HPSE2: variants seen among roughly 807,000 people sequenced by gnomAD.
HPSE2 encodes inactive heparanase-2.
In HPSE2, 38 loss-of-function variants were observed where a neutral mutation model predicts 60.5. That is an observed-to-expected ratio of 0.63 (90% CI 0.48 to 0.82). The LOEUF (loss-of-function observed/expected upper bound fraction) is 0.82, where lower values mean the gene tolerates loss of function less well. Ranked by LOEUF, HPSE2 falls within the 40% of genes least tolerant of loss-of-function variation. The pLI is 0.00. For synonymous variants in HPSE2, 295 were observed against 293.2 expected (o/e 1.01, Z -0.06); for missense variants, 713 against 740.4 (o/e 0.96, Z 0.43).
intron 3 of HPSE2, among the ~76,000 whole-genome samples, chr10:98,781,327 A>T (rs1179136817): frequency 8.4e-6 from 1 of 119,040 alleles, no homozygotes; most frequent in Non-Finnish European, 1.7e-5. Context: ...TTGGTATTGG[A>T]GTAAGATAGG....
At chr10:98,635,424 C>T (rs761678889) in intron 7 of HPSE2, among the ~76,000 whole-genome samples, 1 of 152,158 alleles carries the variant, frequency 6.6e-6, no homozygotes, top group Non-Finnish European at 1.5e-5. Flanking sequence ...GATACCTGCA[C>T]TCTCATGCTC....
At chr10:98,542,526 C>T (rs930946898) in intron 9 of HPSE2, among the ~76,000 whole-genome samples, 5 of 151,972 alleles carry the variant, frequency 3.3e-5, no homozygotes, top group African/African-American at 1.2e-4. Context: ...AATCAAATTA[C>T]TCCGAGCTAT....
intron 3 of HPSE2, among the ~76,000 whole-genome samples, chr10:98,754,368 A>G (rs1949829455): frequency 6.6e-6 from 1 of 152,112 alleles, no homozygotes; most frequent in Non-Finnish European, 1.5e-5. Context: ...ACGTAAAAAG[A>G]CCAAATCTAT....
chr10:98,800,278 AGGCTCTCTTGATCCCAGAAGGTCAAG>A, intron 3 of HPSE2, among the ~76,000 whole-genome samples: 1 of 151,866 alleles, frequency 6.6e-6, no homozygotes, highest in East Asian at 1.9e-4. Flanking sequence ...CTGAGTTGGG[AGGCTCTCTTGATCCCAGAAGGTCAAG>A]GCTGCAGTGA....
chr10:98,629,822 A>C (rs374684999), intron 7 of HPSE2, among the ~76,000 whole-genome samples: 29 of 152,362 alleles, frequency 1.9e-4, no homozygotes, highest in African/African-American at 7.0e-4. Context: ...TATTGAAAAC[A>C]GTGATTTGGG....
intron 3 of HPSE2, among the ~76,000 whole-genome samples, chr10:98,961,526 T>C: frequency 3.7e-5 from 2 of 54,718 alleles, no homozygotes; most frequent in African/African-American, 9.2e-5. Flanking sequence ...GTTTTTTGGC[T>C]GCATAAATGT....
At chr10:99,285,461 GGGAA>G in the HPSE2 span, among the ~76,000 whole-genome samples, 2,281 of 119,538 alleles carry the variant, frequency 0.019, 106 homozygotes, top group African/African-American at 0.077. Flanking sequence ...ATGAAAGAAA[GGGAA>G]GGAAGGAAGG....
chr10:99,276,931 C>A, the HPSE2 span, among the ~76,000 whole-genome samples: 397 of 152,198 alleles, frequency 2.6e-3, no homozygotes, highest in Non-Finnish European at 4.8e-3. Context: ...TGATTGAAAC[C>A]ATTTATACTT....
intron 3 of HPSE2, among the ~76,000 whole-genome samples, chr10:98,824,781 TCAAGTCACAGG>T: frequency 6.6e-6 from 1 of 152,328 alleles, no homozygotes; most frequent in South Asian, 2.1e-4. Flanking sequence ...AGAAAACCCC[TCAAGTCACAGG>T]TAGCTGCTGT....
At chr10:98,565,501 T>A (rs1234579927) in intron 9 of HPSE2, among the ~76,000 whole-genome samples, 2 of 152,198 alleles carry the variant, frequency 1.3e-5, no homozygotes, top group African/African-American at 4.8e-5. Flanking sequence ...GCAAAGGACA[T>A]GATCTCATTC....
intron 3 of HPSE2, among the ~76,000 whole-genome samples, chr10:98,969,704 T>TA (rs1268648938): frequency 1.3e-5 from 2 of 152,190 alleles, no homozygotes; most frequent in African/African-American, 2.4e-5. Flanking sequence ...TCCTGAGGGT[T>TA]TGTACTATAG....
intron 3 of HPSE2, among the ~76,000 whole-genome samples, chr10:99,043,082 A>G (rs957265065): frequency 1.3e-5 from 2 of 152,194 alleles, no homozygotes; most frequent in Non-Finnish European, 2.9e-5. Context: ...AGTTAAAGGG[A>G]CACCGACCCT....
At chr10:99,093,457 TCC>T (rs2135603918) in intron 3 of HPSE2, among the ~76,000 whole-genome samples, 1 of 152,262 alleles carries the variant, frequency 6.6e-6, no homozygotes, top group East Asian at 1.9e-4. Flanking sequence ...TGTTTTGCAC[TCC>T]CATGACAGAA....
At chr10:98,914,908 A>G (rs926045062) in intron 3 of HPSE2, among the ~76,000 whole-genome samples, 1 of 151,812 alleles carries the variant, frequency 6.6e-6, no homozygotes, top group East Asian at 1.9e-4. Context: ...ACAAAGATCA[A>G]TTTAAGAAAA....
chr10:98,827,160 AT>A (rs11308403), intron 3 of HPSE2, among the ~76,000 whole-genome samples: 113,997 of 150,074 alleles, frequency 0.76, 43,638 homozygotes, highest in Non-Finnish European at 0.83. Flanking sequence ...CTAAAAAAAA[AT>A]TTTTTTTTAA....
At chr10:98,757,737 A>T (rs1949910439) in intron 3 of HPSE2, among the ~76,000 whole-genome samples, 1 of 152,208 alleles carries the variant, frequency 6.6e-6, no homozygotes, top group Non-Finnish European at 1.5e-5. Flanking sequence ...GATAGTAAGA[A>T]TCAATATTGT....
chr10:99,262,712 G>A, the HPSE2 span, among the ~76,000 whole-genome samples: 1 of 152,186 alleles, frequency 6.6e-6, no homozygotes, highest in Admixed American at 6.5e-5. Flanking sequence ...AAGTCTTATA[G>A]GTTGGTTCAG....
At chr10:98,481,727 G>A (rs1941244223) in intron 11 of HPSE2, among the ~76,000 whole-genome samples, 1 of 152,202 alleles carries the variant, frequency 6.6e-6, no homozygotes, top group Non-Finnish European at 1.5e-5. Context: ...AATAATTATA[G>A]CACAAATATT....
chr10:98,800,434 ATATAT>A (rs1182276203), intron 3 of HPSE2, among the ~76,000 whole-genome samples: 2 of 147,736 alleles, frequency 1.4e-5, no homozygotes, highest in African/African-American at 2.5e-5. Flanking sequence ...TATACATAAA[ATATAT>A]TATAATTTTA....
Sources: allele counts gnomAD v4.1 joint callset (sites outside exome capture counted in the v4.1 genomes callset), GRCh38; gene constraint gnomAD v4.1.1; transcripts MANE v1.5; gene names NCBI Gene and HGNC (gene_info 2026-07-23, HGNC 2026-07-21).